SLCO2B1: variants seen among roughly 807,000 people sequenced by gnomAD.
SLCO2B1 encodes OATP-RP2.
Under a neutral mutation model 67.3 loss-of-function variants are expected in SLCO2B1, and 41 were observed. The ratio of observed to expected loss-of-function variants is 0.61; its 90% CI spans 0.47 to 0.79. SLCO2B1 has a LOEUF of 0.79. SLCO2B1 is among the 30% of genes least tolerant of loss of function. The pLI is 0.00. For synonymous variants in SLCO2B1, 379 were observed against 381.4 expected (o/e 0.99, Z 0.07); for missense variants, 837 against 920.1 (o/e 0.91, Z 1.17).
chr11:75,193,896 C>T lies in SLCO2B1; in HGVS notation c.1433+321C>T, dbSNP rs1210512286. ...CCAGGGTGACCAAGCCCTGTGGGCC[C>T]AACAGAGATGAGCCAGAGGCTACAT... On this transcript the variant is annotated intron_variant, in intron 9 of 13. Transcript: ENST00000289575. This position sits in a 1 kb window ranked among gnomAD's most constrained non-coding sequence, Gnocchi z 4.2. 1.3e-5 allele frequency among the ~76,000 whole-genome samples: 2 copies of T among 152,146 alleles called. No individual in the cohort carries two copies. Among genetic ancestry groups the T allele is most frequent in the Non-Finnish European group, 2.9e-5 (2 of 68,008 alleles).
At chr11:75,167,736 G>C (rs904795576) in intron 4 of SLCO2B1, among the ~76,000 whole-genome samples, 2 of 152,052 alleles carry the variant, frequency 1.3e-5, no homozygotes, top group African/African-American at 4.8e-5. Flanking sequence ...CAGGAGGCAG[G>C]GATTATCATT....
At position 75,204,715 on chromosome 11, in the gene SLCO2B1, C is replaced by A. The variant is rs575978601; in HGVS notation, c.*135C>A. ...CACTAAATTGCTGTGTGACTTCAGG[C>A]AAGACATTGATCCTCTCTCAGCCTT... On this transcript the variant is annotated 3_prime_UTR_variant, in exon 14 of 14. Coordinates refer to ENST00000289575, the MANE Select transcript of SLCO2B1 (RefSeq NM_007256.5). The A allele has an allele frequency of 8.3e-5, 59 of 710,628 alleles. No individual in the cohort carries two copies. In the African/African-American group the frequency reaches 9.8e-4, roughly 12 times the overall value. The allele number at this position is 710,628 out of a possible 1,614,324, so 44.0% of individuals were successfully genotyped here.
intron 3 of SLCO2B1, 78 bp downstream of exon 3, chr11:75,164,178 T>G: frequency 1.4e-6 from 2 of 1,470,552 alleles, no homozygotes; most frequent in Middle Eastern, 1.9e-4. Context: ...CCCCTCTCAC[T>G]ACCCTACCTT....
intron 10 of SLCO2B1, chr11:75,199,943 T>C (rs1165426758): frequency 4.4e-6 from 2 of 456,868 alleles, no homozygotes; most frequent in African/African-American, 4.0e-5. Flanking sequence ...GGAATGATGC[T>C]CTCCTGGCTC....
At chr11:75,165,987 G>A (rs1276035752) in intron 4 of SLCO2B1, 38 bp downstream of exon 4, 11 of 1,597,914 alleles carry the variant, frequency 6.9e-6, no homozygotes, top group Non-Finnish European at 9.4e-6. Flanking sequence ...TGGGACGTTA[G>A]CCTCTGCATT....
In SLCO2B1 at chr11:75,202,777, G is replaced by A. The variant is rs546530498; in HGVS notation, c.1764-124G>A. On this transcript the variant is annotated intron_variant, in intron 11 of 13. Coordinates refer to ENST00000289575, the MANE Select transcript of SLCO2B1 (RefSeq NM_007256.5). ...GAGCCCCCAGCCTAGATCATCAGAT[G>A]GGAGAGAGGCTGGCTCTGGGTGGTG... The A allele has an allele frequency of 4.8e-6, 4 of 831,924 alleles. No homozygotes were observed. In the East Asian group the frequency reaches 9.7e-5, roughly 20 times the overall value. The allele number at this position is 831,924 out of a possible 1,614,324, so 51.5% of individuals were successfully genotyped here. A position where few individuals can be genotyped will look rare whatever the true frequency, so the allele number is the denominator to read the frequency against.
intron 1 of SLCO2B1, among the ~76,000 whole-genome samples, chr11:75,154,870 A>G (rs1444696341): frequency 6.6e-6 from 1 of 152,218 alleles, no homozygotes; most frequent in East Asian, 1.9e-4. Flanking sequence ...TAAGGGGTCA[A>G]TTTAAGCAGA....
chr11:75,172,754 C>A (rs1016547915), intron 7 of SLCO2B1, among the ~76,000 whole-genome samples, 185 bp downstream of exon 7: 1 of 152,016 alleles, frequency 6.6e-6, no homozygotes, highest in Non-Finnish European at 1.5e-5. Flanking sequence ...ACGGTGAAAC[C>A]CCGTCTCTAC....
At chr11:75,179,295 G>C (rs905069048) in intron 7 of SLCO2B1, among the ~76,000 whole-genome samples, 4 of 137,754 alleles carry the variant, frequency 2.9e-5, no homozygotes, top group Non-Finnish European at 4.6e-5. Context: ...ACAGTGGTGC[G>C]ATCTTGGCTC....
chr11:75,200,523 G>A (rs1378024491), intron 11 of SLCO2B1, 136 bp downstream of exon 11: 17 of 809,212 alleles, frequency 2.1e-5, no homozygotes, highest in African/African-American at 5.3e-5. Context: ...GGCCTTAACT[G>A]TGTTCATCCC....
intron 8 of SLCO2B1, among the ~76,000 whole-genome samples, chr11:75,192,782 A>C (rs540891279): frequency 6.6e-5 from 10 of 152,358 alleles, no homozygotes; most frequent in African/African-American, 1.9e-4. Flanking sequence ...ATAGTGGCTC[A>C]CGTCTGTAAT....
chr11:75,190,797 C>G (rs771343757), intron 8 of SLCO2B1, among the ~76,000 whole-genome samples: 1 of 152,068 alleles, frequency 6.6e-6, no homozygotes, highest in Admixed American at 6.5e-5. Context: ...GGTGAGGCTC[C>G]TGGCTGATGA....
At chr11:75,159,294 C>A (rs560746999) in intron 1 of SLCO2B1, among the ~76,000 whole-genome samples, 1 of 152,378 alleles carries the variant, frequency 6.6e-6, no homozygotes. Flanking sequence ...CTGGAGCCAC[C>A]TGGCCTACCT....
At chr11:75,170,222 C>T (rs1002506357) in intron 6 of SLCO2B1, among the ~76,000 whole-genome samples, 6 of 152,190 alleles carry the variant, frequency 3.9e-5, no homozygotes, top group African/African-American at 1.2e-4. Context: ...TGGAGCAGAA[C>T]TTGGTGACTC....
In SLCO2B1 at chr11:75,193,833, G is replaced by A. The variant is rs1301203391; in HGVS notation, c.1433+258G>A. Among the ~76,000 whole-genome samples the A allele has an allele frequency of 6.6e-6, 1 of 152,220 alleles. No individual in the cohort carries two copies. The highest frequency in any genetic ancestry group is 6.5e-5 in the Admixed American group (1 of 15,288). On this transcript the variant is annotated intron_variant, in intron 9 of 13. Transcript: ENST00000289575. The surrounding 1 kb of genome is among the most constrained non-coding windows in gnomAD (Gnocchi z 4.2). ...ACTCTCAAGCCCAGGAGGGTGTGGA[G>A]GCTGAGATAGGGCAGAGCCACCCAT... is the stretch of plus-strand genomic sequence containing the variant.
intron 8 of SLCO2B1, 61 bp downstream of exon 8, chr11:75,188,299 G>A (rs1446882086): frequency 4.6e-6 from 5 of 1,081,586 alleles, no homozygotes; most frequent in South Asian, 1.3e-5. Context: ...GAGATTGTCA[G>A]GATCCAGTCC....
rs370256707 is a variant in SLCO2B1, at chr11:75,190,077, C to T, written c.1075+1839C>T. Among the ~76,000 whole-genome samples the T allele has an allele frequency of 1.8e-3, 271 of 152,270 alleles. 1 individual carries two copies. Among genetic ancestry groups the T allele is most frequent in the African/African-American group, 6.2e-3 (259 of 41,526 alleles). On this transcript the variant is annotated intron_variant, in intron 8 of 13. Coordinates refer to ENST00000289575, the MANE Select transcript of SLCO2B1 (RefSeq NM_007256.5). Reference sequence around the variant, plus strand: ...CTCCATGCATGGTGCTGGGCCTAGACGCAGCGGCCGGGACTCCCTAGCCTC... The same window carrying T: ...CTCCATGCATGGTGCTGGGCCTAGATGCAGCGGCCGGGACTCCCTAGCCTC...
At chr11:75,194,670 AG>A (rs1162411208) in intron 9 of SLCO2B1, among the ~76,000 whole-genome samples, 3 of 152,050 alleles carry the variant, frequency 2.0e-5, no homozygotes, top group Non-Finnish European at 4.4e-5. Context: ...GCGGGGGTTT[AG>A]CCACCTCCTC....
At chr11:75,169,591 T>C (rs1949935800) in intron 5 of SLCO2B1, 75 bp from the exon 6 acceptor site, 1 of 1,330,798 alleles carries the variant, frequency 7.5e-7, no homozygotes, top group Non-Finnish European at 1.1e-6. Context: ...TTCTTGCCCA[T>C]CAGAGACTGG....
Sources: gnomAD v4.1 joint callset for allele counts (sites outside exome capture counted in the v4.1 genomes callset) on GRCh38, gnomAD v4.1.1 for gene constraint, Gnocchi (gnomAD v3.1) non-coding constraint, MANE v1.5 for transcripts, NCBI Gene and HGNC (gene_info 2026-07-23, HGNC 2026-07-21) for gene names.